The following ACACB variants were observed in gnomAD, a reference collection of about 807,000 sequenced individuals.
The protein encoded by ACACB is acetyl-CoA carboxylase beta, also known as acetyl-CoA carboxylase 2.
A neutral mutation model predicts 278.8 loss-of-function variants in ACACB; 209 were observed. The observed-to-expected ratio is 0.75, with a 90% CI of 0.67 to 0.84. ACACB has a LOEUF of 0.84. Ranked by LOEUF, ACACB falls within the 40% of genes least tolerant of loss-of-function variation. The pLI, the probability that ACACB is intolerant of heterozygous loss-of-function variation, is 0.00. For missense variants in ACACB, 2,850 were observed against 3,269.0 expected (o/e 0.87, Z 3.13); for synonymous variants, 1,174 against 1,285.6 (o/e 0.91, Z 1.86).
chr12:109,242,617 TA>T (rs888073648), intron 37 of ACACB, 25 bp downstream of exon 37: 2 of 1,613,048 alleles, frequency 1.2e-6, no homozygotes, highest in Admixed American at 1.7e-5. Flanking sequence ...TCAGACGCGG[TA>T]CCCCCTGGGT....
rs1380777804 is a variant in ACACB, at chr12:109,209,906, C to T, written c.3249+553C>T. Among the ~76,000 whole-genome samples, 7 of 112,982 alleles carry T rather than the reference C, an allele frequency of 6.2e-5. 2 individuals are homozygous for T. The highest frequency in any genetic ancestry group is 2.7e-4 in the South Asian group (1 of 3,762). 74.1% of individuals were successfully genotyped at this position (112,982 alleles called of 152,430 possible). A position where few individuals can be genotyped will look rare whatever the true frequency, so the allele number is the denominator to read the frequency against. On this transcript the variant is annotated intron_variant, in intron 21 of 52. Coordinates refer to ENST00000338432, the MANE Select transcript of ACACB (RefSeq NM_001093.4). ...GTGTATATATGTATATACACACATA[C>T]ACACACGTGTGTATATATGTGTATA...
At chr12:109,172,706 GC>G (rs1360749189) in intron 6 of ACACB, among the ~76,000 whole-genome samples, 1 of 152,208 alleles carries the variant, frequency 6.6e-6, no homozygotes, top group Non-Finnish European at 1.5e-5. Context: ...GAACGCTTAT[GC>G]ACTGTTGGTG....
chr12:109,187,992 A>C lies in ACACB; in HGVS notation c.1981-7A>C. 1 of 1,585,636 alleles carries C rather than the reference A, an allele frequency of 6.3e-7. No homozygotes were observed. Among genetic ancestry groups the C allele is most frequent in the African/African-American group, 1.3e-5 (1 of 74,310 alleles). On this transcript the variant is annotated splice_region_variant and splice_polypyrimidine_tract_variant and intron_variant, in intron 12 of 52. Coordinates refer to ENST00000338432, the MANE Select transcript of ACACB (RefSeq NM_001093.4). ...CTTCCATTTTGCATTTTCTGTCCGG[A>C]CTCCAGGGTTTTAAGCCGAGCTCCG...
At chr12:109,133,804 T>C (rs1407668222) in intron 1 of ACACB, among the ~76,000 whole-genome samples, 3 of 139,870 alleles carry the variant, frequency 2.1e-5, no homozygotes, top group Non-Finnish European at 4.6e-5. Context: ...TCCAGCTTGG[T>C]TCAAGACATT....
At chr12:109,240,210 G>A (rs931475200) in intron 35 of ACACB, among the ~76,000 whole-genome samples, 1 of 152,224 alleles carries the variant, frequency 6.6e-6, no homozygotes, top group African/African-American at 2.4e-5. Flanking sequence ...AGGATGACAA[G>A]CATGCTCAAA....
chr12:109,168,714 C>T (rs185895137), intron 4 of ACACB, among the ~76,000 whole-genome samples: 5 of 152,176 alleles, frequency 3.3e-5, no homozygotes, highest in Non-Finnish European at 7.4e-5. Flanking sequence ...CTCAGCTACT[C>T]AGGAAGCTGA....
Position 109,254,290 on chromosome 12 carries a change from C to T in ACACB, c.6122C>T (p.Ala2041Val). 6.2e-7 allele frequency: 1 copy of T among 1,612,456 alleles called. No homozygotes were observed. ...GAAATTGAATTCCTCCCATCCAGAG[C>T]TCCCTACGACCCCCGGTGGATGCTT... ...DREIEFLPSRAPYDPRWMLAG... is the reference protein window; with the variant it reads ...DREIEFLPSRVPYDPRWMLAG... Residue 2041 changes from alanine to valine, a missense_variant, in exon 44 of 53, where the codon GCT becomes GTT. Physicochemically the swap from Ala to Val is moderately conservative, Grantham distance 64. Coordinates refer to ENST00000338432, the MANE Select transcript of ACACB (RefSeq NM_001093.4).
chr12:109,133,997 T>C (rs1232960510), intron 1 of ACACB, among the ~76,000 whole-genome samples: 2 of 150,736 alleles, frequency 1.3e-5, no homozygotes, highest in Non-Finnish European at 3.0e-5. Context: ...TGGCTCACTG[T>C]AGTCTTGATG....
intron 7 of ACACB, 149 bp downstream of exon 7, chr12:109,174,379 A>T: frequency 1.6e-6 from 1 of 625,348 alleles, no homozygotes; most frequent in South Asian, 2.6e-5. Context: ...AAAATATTTT[A>T]AAATTTTAAA....
Position 109,262,245 on chromosome 12 carries a change from A to C in ACACB, c.6675-112A>C. On this transcript the variant is annotated intron_variant, in intron 48 of 52. Transcript: ENST00000338432. ...ATGTGTGGGGGTAAAAGAGCTGAGG[A>C]CTGACACCCAGATCTTCTGGCTCTC... The C allele has an allele frequency of 3.9e-6, 3 of 761,946 alleles. No individual in the cohort carries two copies. The South Asian group carries it at 5.1e-5, about 13-fold the overall frequency. The allele number at this position is 761,946 out of a possible 1,614,324, so 47.2% of individuals were successfully genotyped here. A position where few individuals can be genotyped will look rare whatever the true frequency, so the allele number is the denominator to read the frequency against.
At chr12:109,206,907 G>C in intron 20 of ACACB, 51 bp downstream of exon 20, 1 of 1,601,382 alleles carries the variant, frequency 6.2e-7, no homozygotes, top group Non-Finnish European at 8.6e-7. Flanking sequence ...AGGGTCAGAA[G>C]ATCTACCCCG....
chr12:109,258,195 C>A, intron 45 of ACACB, 73 bp from the exon 46 acceptor site: 1 of 1,131,596 alleles, frequency 8.8e-7, no homozygotes, highest in South Asian at 1.4e-5. Context: ...GTGCCCTCAC[C>A]CCCACACCCA....
intron 26 of ACACB, among the ~76,000 whole-genome samples, chr12:109,223,568 G>T (rs1410107700): frequency 1.3e-5 from 2 of 152,070 alleles, no homozygotes; most frequent in Non-Finnish European, 2.9e-5. Flanking sequence ...GCCAGCCTGG[G>T]CAACATGTGA....
rs999667107 is a variant in ACACB, at chr12:109,191,772, T to C, written c.2295+9T>C. ...TTGCTGAGAAAGTGCAGGTAGGGAG[T>C]GAGCTGCCTGTGTCTCCCCTCTGGA... On this transcript the variant is annotated intron_variant, in intron 14 of 52. Transcript: ENST00000338432. The C allele has an allele frequency of 6.8e-6, 11 of 1,613,460 alleles. No homozygotes were observed. The highest frequency in any genetic ancestry group is 6.8e-6 in the Non-Finnish European group (8 of 1,179,898).
intron 22 of ACACB, among the ~76,000 whole-genome samples, chr12:109,215,072 G>A (rs569504633): frequency 1.1e-4 from 17 of 151,836 alleles, no homozygotes; most frequent in Admixed American, 5.2e-4. Flanking sequence ...CTCCAGCCTG[G>A]GTGGCAGAAC....
At chr12:109,152,727 C>G (rs1020066624) in intron 2 of ACACB, among the ~76,000 whole-genome samples, 2 of 149,082 alleles carry the variant, frequency 1.3e-5, no homozygotes, top group Non-Finnish European at 3.0e-5. Context: ...TCACTGCAGC[C>G]TCAGCTACCT....
intron 40 of ACACB, 97 bp downstream of exon 40, chr12:109,247,800 G>T: frequency 9.9e-7 from 1 of 1,015,052 alleles, no homozygotes; most frequent in South Asian, 1.4e-5. Flanking sequence ...CAGTGGGGTG[G>T]TGGTGTTTGT....
chr12:109,184,574 G>A (rs949558239), intron 11 of ACACB, among the ~76,000 whole-genome samples: 5 of 152,036 alleles, frequency 3.3e-5, no homozygotes, highest in Non-Finnish European at 5.9e-5. Context: ...TTTTGTAGCT[G>A]TTTTTTGTCT....
chr12:109,217,958 G>A (rs930613857), intron 24 of ACACB, among the ~76,000 whole-genome samples: 3 of 152,232 alleles, frequency 2.0e-5, no homozygotes, highest in African/African-American at 7.2e-5. Context: ...AATTCACGCA[G>A]CAGTCCTAGA....
Sources: allele counts gnomAD v4.1 joint callset (sites outside exome capture counted in the v4.1 genomes callset), GRCh38; gene constraint gnomAD v4.1.1; transcripts MANE v1.5; gene names NCBI Gene and HGNC (gene_info 2026-07-23, HGNC 2026-07-21).